Variants in USF2 observed in about 807,000 individuals in gnomAD.
USF2 encodes the protein upstream stimulatory factor 2.
A neutral mutation model predicts 46.9 loss-of-function variants in USF2; 16 were observed. The ratio of observed to expected loss-of-function variants is 0.34; its 90% confidence interval spans 0.23 to 0.52. USF2 has a LOEUF of 0.52. Among genes scored for constraint, USF2 ranks in the 20% least tolerant of loss-of-function variants. The pLI is 0.96. For missense variants in USF2, 411 were observed against 474.0 expected, an observed-to-expected ratio of 0.87 and a Z score of 1.23; for synonymous variants, 239 against 194.1, an observed-to-expected ratio of 1.23 and a Z score of -1.92.
Position 35,279,054 on chromosome 19 carries a change from A to C in USF2, c.931A>C (p.Asn311His), listed in dbSNP as rs775649817. The change falls in exon 9 of 10, where the codon AAC becomes CAC. Residue 311 changes from asparagine (N) to histidine (H), a missense_variant. This residue lies in a region of USF2 where 93 missense variants were observed against 151.6 expected (regional missense o/e 0.61). Coordinates refer to ENST00000222305, the MANE Select transcript of USF2 (RefSeq NM_003367.4). ...AGAGGCCGAGCGGCTGCAGATGGAC[A>C]ACGAGCTCCTGAGGCAGCAGGTGGG... ...FKEAERLQMDNELLRQQIEEL... is the reference protein window; with the variant it reads ...FKEAERLQMDHELLRQQIEEL... The C allele has an allele frequency of 1.7e-5, 27 of 1,600,410 alleles. No homozygotes were observed. Among genetic ancestry groups the C allele is most frequent in the Admixed American group, 5.3e-5 (3 of 56,936 alleles).
At position 35,276,084 on chromosome 19, in the gene USF2, T is replaced by TC. The variant is rs533115599; in HGVS notation, c.728-2614_728-2613insC. Reference sequence around the variant, plus strand: ...TGAATTTTCTCTTTTTTTTTTTTTTTTTTTTGAGACAGAGTCTCGCTCTGT... The same window carrying TC: ...TGAATTTTCTCTTTTTTTTTTTTTTTCTTTTTGAGACAGAGTCTCGCTCTGT... On this transcript the variant is annotated intron_variant, in intron 7 of 9. Transcript: ENST00000222305. 5.8e-3 allele frequency among the ~76,000 whole-genome samples: 867 copies of TC among 149,142 alleles called. 4 individuals carry two copies. The highest frequency in any genetic ancestry group is 0.017 in the South Asian group (79 of 4,646).
Position 35,269,993 on chromosome 19 carries a change from C to T in USF2, c.419C>T (p.Pro140Leu). ...TCTGTGCCCCCAGGTCCTGCAGCGC[C>T]CTTCCCGCTGGTAGGTGCCCTGCCA... The part of the protein sequence containing the change: ...AASVPPGPAA[P>L]FPLAVIQNPF... Residue 140 changes from proline to leucine, a missense_variant, in exon 4 of 10, where the codon CCC (proline) becomes CTC (leucine). By Grantham distance (98) the Pro-to-Leu change is moderately conservative. Coordinates refer to ENST00000222305, the MANE Select transcript of USF2 (RefSeq NM_003367.4). 7.5e-7 allele frequency: 1 copy of T among 1,341,234 alleles called. No individual in the cohort carries two copies. 83.1% of individuals were successfully genotyped at this position (1,341,234 alleles called of 1,614,324 possible).
intron 7 of USF2, among the ~76,000 whole-genome samples, chr19:35,276,548 G>C (rs1014190426): frequency 6.6e-6 from 1 of 152,298 alleles, no homozygotes; most frequent in Admixed American, 6.5e-5. Context: ...TGGAGGAGGA[G>C]GAGATGCGGT....
Position 35,279,204 on chromosome 19 carries a change from C to T in USF2, c.989C>T (p.Ala330Val), listed in dbSNP as rs2145587523. The T allele has an allele frequency of 1.9e-6, 3 of 1,596,726 alleles. No individual in the cohort carries two copies. Among genetic ancestry groups the T allele is most frequent in the South Asian group, 2.2e-5 (2 of 89,024 alleles). ...AAGAATGAGAACGCCCTGCTTCGAG[C>T]CCAGCTGCAGCAGCACAACCTGGAG... ...ELKNENALLR[A>V]QLQQHNLEMV... The change falls in exon 10 of 10, where the codon GCC becomes GTC. Residue 330 changes from alanine to valine, a missense_variant. Coordinates refer to ENST00000222305, the MANE Select transcript of USF2 (RefSeq NM_003367.4).
In USF2 at chr19:35,269,785, C is replaced by T. The variant is rs1435581937; in HGVS notation, c.229-18C>T. On this transcript the variant is annotated intron_variant, in intron 3 of 9. Transcript: ENST00000222305. ...CCTGGCCCCAGCGCCGGCCTCGCCG[C>T]TCTGCCGCCCCCTGCAGGTGACATA... 1.3e-6 allele frequency: 2 copies of T among 1,490,182 alleles called. No homozygotes were observed. The highest frequency in any genetic ancestry group is 1.8e-6 in the Non-Finnish European group (2 of 1,124,350). 92.3% of individuals were successfully genotyped at this position (1,490,182 alleles called of 1,614,324 possible). A position where few individuals can be genotyped will look rare whatever the true frequency, so the allele number is the denominator to read the frequency against.
At chr19:35,270,879 C>A (rs992772890) in intron 6 of USF2, 74 bp downstream of exon 6, 22 of 1,575,768 alleles carry the variant, frequency 1.4e-5, no homozygotes, top group Non-Finnish European at 1.9e-5. Flanking sequence ...AGAAGCTGGG[C>A]AGTTAGCATG....
At chr19:35,269,227 G>A in intron 1 of USF2, 64 bp downstream of exon 1, 5 of 966,964 alleles carry the variant, frequency 5.2e-6, no homozygotes, top group South Asian at 4.7e-5. Context: ...GCGGCCTGCA[G>A]GCCGGGGCCG....
intron 7 of USF2, among the ~76,000 whole-genome samples, chr19:35,272,224 C>T (rs1316511571): frequency 6.6e-6 from 1 of 152,162 alleles, no homozygotes; most frequent in African/African-American, 2.4e-5. Context: ...GACAAGGTCT[C>T]AGCTCTCTGT....
chr19:35,272,123 CCT>C (rs1034342429), intron 7 of USF2, among the ~76,000 whole-genome samples: 13 of 152,234 alleles, frequency 8.5e-5, no homozygotes, highest in Admixed American at 8.5e-4. Context: ...GCAGCTCCTC[CCT>C]GAGTTCAGGC....
intron 7 of USF2, among the ~76,000 whole-genome samples, chr19:35,273,134 A>T (rs988550136): frequency 2.0e-5 from 3 of 151,670 alleles, no homozygotes; most frequent in African/African-American, 7.3e-5. Context: ...AGCAGTCTTC[A>T]TCACCTGCCC....
At chr19:35,278,565 C>T in intron 7 of USF2, 133 bp from the exon 8 acceptor site, 1 of 921,280 alleles carries the variant, frequency 1.1e-6, no homozygotes, top group Non-Finnish European at 1.7e-6. Flanking sequence ...CGGCCCCTCA[C>T]TTCCCAGGGC....
At chr19:35,274,434 C>T (rs1295514517) in intron 7 of USF2, among the ~76,000 whole-genome samples, 1 of 152,154 alleles carries the variant, frequency 6.6e-6, no homozygotes, top group Non-Finnish European at 1.5e-5. Flanking sequence ...AGGAGCTTAT[C>T]CCAGAGTCAC....
At chr19:35,272,595 C>T (rs1344750534) in intron 7 of USF2, among the ~76,000 whole-genome samples, 1 of 152,080 alleles carries the variant, frequency 6.6e-6, no homozygotes, top group Non-Finnish European at 1.5e-5. Context: ...AAGAAGTCCC[C>T]AGTGTGGCTG....
intron 7 of USF2, 142 bp downstream of exon 7, chr19:35,271,283 G>A (rs79656069): frequency 0.012 from 11,349 of 917,826 alleles, 324 homozygotes; most frequent in East Asian, 0.092. Flanking sequence ...ACGCTGTAAA[G>A]GTAGAAAGTG....
Position 35,279,456 on chromosome 19 carries a change from T to A in USF2, c.*200T>A. The A allele has an allele frequency of 1.7e-6, 1 of 571,902 alleles. No homozygotes were observed. The highest frequency in any genetic ancestry group is 2.9e-6 in the Non-Finnish European group (1 of 345,946). 35.4% of individuals were successfully genotyped at this position (571,902 alleles called of 1,614,324 possible). ...CCTCCTCCACTTGGAAACGGTATCC[T>A]CCCTGCCCATCCGTCTGTCTGTCGC... On this transcript the variant is annotated 3_prime_UTR_variant, in exon 10 of 10. Coordinates refer to ENST00000222305, the MANE Select transcript of USF2 (RefSeq NM_003367.4).
intron 6 of USF2, 69 bp downstream of exon 6, chr19:35,270,874 C>G (rs1383903220): frequency 6.3e-7 from 1 of 1,589,124 alleles, no homozygotes; most frequent in East Asian, 2.2e-5. Flanking sequence ...GGAGTAGAAG[C>G]TGGGCAGTTA....
chr19:35,274,828 C>G (rs1461258453), intron 7 of USF2, among the ~76,000 whole-genome samples: 1 of 152,194 alleles, frequency 6.6e-6, no homozygotes, highest in Non-Finnish European at 1.5e-5. Flanking sequence ...GTGGGGGGCC[C>G]CCAGTGATCT....
rs762300069 is a variant in USF2, at chr19:35,271,012, A to ATACTTAGCAGATGC, written c.669-69_669-56dup. On this transcript the variant is annotated intron_variant, in intron 6 of 9. Coordinates refer to ENST00000222305, the MANE Select transcript of USF2 (RefSeq NM_003367.4). ...CTTGCAAAGATAATTTTCAAATCTA[A>ATACTTAGCAGATGC]TACTTAGCAGATGCTTGGGCAAACA... 8.8e-5 allele frequency: 140 copies of ATACTTAGCAGATGC among 1,584,446 alleles called. No homozygotes were observed. The Middle Eastern group carries it at 1.0e-3, about 11-fold the overall frequency.
rs769516603 is a variant in USF2, at chr19:35,279,258, G to A, written c.*2G>A. Reference sequence around the variant, plus strand: ...GTGGGCGAGGGCACCCGGCAGTGACGCCCGCCACCACCACGCAGCCGCCGC... The same window carrying A: ...GTGGGCGAGGGCACCCGGCAGTGACACCCGCCACCACCACGCAGCCGCCGC... On this transcript the variant is annotated 3_prime_UTR_variant, in exon 10 of 10. Transcript: ENST00000222305. The A allele has an allele frequency of 8.2e-5, 125 of 1,516,016 alleles. No homozygotes were observed. In the Middle Eastern group the frequency reaches 9.9e-4, roughly 12 times the overall value. The allele number at this position is 1,516,016 out of a possible 1,614,324, so 93.9% of individuals were successfully genotyped here.
Sources: allele counts gnomAD v4.1 joint callset (sites outside exome capture counted in the v4.1 genomes callset), GRCh38; gene constraint gnomAD v4.1.1; regional missense constraint gnomAD v4.1.1; transcripts MANE v1.5; gene names NCBI Gene and HGNC (gene_info 2026-07-23, HGNC 2026-07-21).